The following MYO9A variants were observed in gnomAD, a reference collection of about 807,000 sequenced individuals.
The protein encoded by MYO9A is myosin IXA.
In MYO9A, 103 loss-of-function variants were observed where a neutral mutation model predicts 293.3. The observed-to-expected ratio is 0.35, with a 90% CI of 0.30 to 0.41. The LOEUF (loss-of-function observed/expected upper bound fraction) is 0.41. Ranked by LOEUF, MYO9A falls within the 10% of genes least tolerant of loss-of-function variation. The pLI is 1.00. For synonymous variants in MYO9A, 1,001 were observed against 1,035.7 expected (o/e 0.97, Z 0.64); for missense variants, 2,685 against 3,033.0 (o/e 0.89, Z 2.69).
intron 6 of MYO9A, among the ~76,000 whole-genome samples, chr15:72,015,418 CAT>C (rs776925843): frequency 1.3e-5 from 2 of 152,176 alleles, no homozygotes; most frequent in Non-Finnish European, 2.9e-5. Flanking sequence ...AGGTCTACCT[CAT>C]AGGAAACGAG....
intron 2 of MYO9A, among the ~76,000 whole-genome samples, chr15:72,036,233 A>G (rs1019006460): frequency 2.6e-5 from 4 of 152,214 alleles, no homozygotes; most frequent in African/African-American, 7.2e-5. Context: ...CCCCATGAAT[A>G]AATACATAAA....
intron 32 of MYO9A, among the ~76,000 whole-genome samples, chr15:71,866,800 T>C (rs555456880): frequency 6.6e-6 from 1 of 152,294 alleles, no homozygotes; most frequent in African/African-American, 2.4e-5. Context: ...GGCTCACGCC[T>C]GTAATCCCAG....
chr15:71,970,423 A>G (rs879700985), intron 12 of MYO9A, among the ~76,000 whole-genome samples: 1 of 152,206 alleles, frequency 6.6e-6, no homozygotes, highest in Admixed American at 6.5e-5. Flanking sequence ...GAACACAACT[A>G]AGGATATATT....
At chr15:71,956,350 T>TATATATAA (rs1475961500) in intron 14 of MYO9A, among the ~76,000 whole-genome samples, 1,229 of 121,008 alleles carry the variant, frequency 0.01, 20 homozygotes, top group Middle Eastern at 0.021. Context: ...TATATATATA[T>TATATATAA]AAAATACGCC....
chr15:71,915,329 A>C (rs1281522444), intron 19 of MYO9A, among the ~76,000 whole-genome samples: 1 of 152,112 alleles, frequency 6.6e-6, no homozygotes, highest in Non-Finnish European at 1.5e-5. Flanking sequence ...AGGATTTTTA[A>C]AATTCATGGC....
intron 1 of MYO9A, among the ~76,000 whole-genome samples, chr15:72,068,357 T>C (rs969836466): frequency 1.1e-4 from 16 of 152,214 alleles, no homozygotes; most frequent in African/African-American, 3.4e-4. Context: ...TTATATGTAT[T>C]ACTTCATTTA....
chr15:72,080,781 T>C (rs2079521349), intron 1 of MYO9A, among the ~76,000 whole-genome samples: 1 of 152,112 alleles, frequency 6.6e-6, no homozygotes. Context: ...ACCTCATCAA[T>C]TAGCTTCCAC....
In MYO9A at chr15:71,935,328, G is replaced by T. The variant is rs1433612730; in HGVS notation, c.2522+13C>A. ...AAAACAAAAAACAATTTACATTACTGATTAGTACTGACGTGAGAATTCCAT... is the reference window on the plus strand; with the variant it reads ...AAAACAAAAAACAATTTACATTACTTATTAGTACTGACGTGAGAATTCCAT... On this transcript the variant is annotated intron_variant, in intron 17 of 41. Transcript: ENST00000356056. 3.8e-6 allele frequency: 6 copies of T among 1,599,710 alleles called. No individual in the cohort carries two copies. Among genetic ancestry groups the T allele is most frequent in the Non-Finnish European group, 5.1e-6 (6 of 1,173,082 alleles).
In MYO9A at chr15:71,826,524, C is replaced by T; in HGVS notation, c.*56G>A. ...TGGACGAGGTGATGAAACGCAGCCC[C>T]AAAGGTGAGATTTGTTTACCACTCT... On this transcript the variant is annotated 3_prime_UTR_variant, in exon 42 of 42. Transcript: ENST00000356056. 6.7e-7 allele frequency: 1 copy of T among 1,493,768 alleles called. No individual in the cohort carries two copies. The highest frequency in any genetic ancestry group is 2.2e-5 in the Admixed American group (1 of 44,680). The allele number at this position is 1,493,768 out of a possible 1,614,324, so 92.5% of individuals were successfully genotyped here. A position where few individuals can be genotyped will look rare whatever the true frequency, so the allele number is the denominator to read the frequency against.
At chr15:71,918,032 G>A (rs952087235) in intron 18 of MYO9A, among the ~76,000 whole-genome samples, 5 of 152,012 alleles carry the variant, frequency 3.3e-5, no homozygotes, top group African/African-American at 9.6e-5. Context: ...AAAAGAAAGG[G>A]CAAAGATTAT....
At chr15:71,893,619 T>C in intron 26 of MYO9A, 60 bp downstream of exon 26, 1 of 1,373,356 alleles carries the variant, frequency 7.3e-7, no homozygotes, top group Non-Finnish European at 1.0e-6. Flanking sequence ...AATAATAATT[T>C]CCAAAATAAT....
In MYO9A at chr15:71,878,740, A is replaced by ATTTT. The variant is rs200866619; in HGVS notation, c.5740-513_5740-510dup. ...TTCTTTTATTTAAATGAGATCTGGA[A>ATTTT]TTTTTTTTTTTTTTTTTTTTTTTTT... On this transcript the variant is annotated intron_variant, in intron 30 of 41. Transcript: ENST00000356056. 5.1e-3 allele frequency among the ~76,000 whole-genome samples: 553 copies of ATTTT among 108,606 alleles called. 9 individuals carry two copies. The highest frequency in any genetic ancestry group is 6.2e-3 in the Non-Finnish European group (340 of 55,144). 71.2% of individuals were successfully genotyped at this position (108,606 alleles called of 152,430 possible). A position where few individuals can be genotyped will look rare whatever the true frequency, so the allele number is the denominator to read the frequency against.
intron 21 of MYO9A, 89 bp from the exon 22 acceptor site, chr15:71,903,152 T>A: frequency 4.3e-6 from 5 of 1,163,488 alleles, no homozygotes; most frequent in Non-Finnish European, 6.0e-6. Flanking sequence ...TAATCTTTTC[T>A]CTTTCTTTTA....
At chr15:72,093,374 A>C (rs1298915153) in intron 1 of MYO9A, among the ~76,000 whole-genome samples, 1 of 151,778 alleles carries the variant, frequency 6.6e-6, no homozygotes, top group Non-Finnish European at 1.5e-5. Context: ...CAAAAAATAA[A>C]ATAAAATAAA....
rs1183443112 is a variant in MYO9A, at chr15:71,830,328, A to T, written c.6838-17T>A. The T allele has an allele frequency of 6.2e-7, 1 of 1,611,670 alleles. No individual in the cohort carries two copies. Among genetic ancestry groups the T allele is most frequent in the Non-Finnish European group, 8.5e-7 (1 of 1,178,984 alleles). On this transcript the variant is annotated splice_polypyrimidine_tract_variant and intron_variant, in intron 39 of 41. Transcript: ENST00000356056. Reference sequence around the variant, plus strand: ...CCCCTTTCCCTGCAGAGAAAAATTCATGTTAGAAAGTAAATTGAGTGACTG... The same window carrying T: ...CCCCTTTCCCTGCAGAGAAAAATTCTTGTTAGAAAGTAAATTGAGTGACTG...
At chr15:71,836,427 A>G (rs1305980269) in intron 39 of MYO9A, among the ~76,000 whole-genome samples, 1 of 152,110 alleles carries the variant, frequency 6.6e-6, no homozygotes, top group Non-Finnish European at 1.5e-5. Context: ...ACATATTAAC[A>G]ACCATTTTGG....
chr15:71,917,443 G>A (rs902112668), intron 18 of MYO9A, among the ~76,000 whole-genome samples: 22 of 152,160 alleles, frequency 1.4e-4, no homozygotes, highest in Non-Finnish European at 3.2e-4. Context: ...GCTGAGGCAG[G>A]AGAACTGCTT....
chr15:72,090,667 C>CAAA (rs1379716000), intron 1 of MYO9A, among the ~76,000 whole-genome samples: 2 of 151,972 alleles, frequency 1.3e-5, no homozygotes, highest in African/African-American at 4.8e-5. Context: ...GGGTTTTTTG[C>CAAA]AATATAATCT....
intron 29 of MYO9A, 39 bp downstream of exon 29, chr15:71,880,296 A>C: frequency 3.7e-5 from 57 of 1,544,928 alleles, no homozygotes; most frequent in Non-Finnish European, 4.5e-5. Flanking sequence ...TTCCATACAC[A>C]GAGCTGCTCC....
Sources: gnomAD v4.1 joint callset for allele counts (sites outside exome capture counted in the v4.1 genomes callset) on GRCh38, gnomAD v4.1.1 for gene constraint, MANE v1.5 for transcripts, NCBI Gene and HGNC (gene_info 2026-07-23, HGNC 2026-07-21) for gene names.